OGFRL1: variants seen among roughly 807,000 people sequenced by gnomAD.
OGFRL1 encodes the protein opioid growth factor receptor-like protein 1.
In OGFRL1, 26 loss-of-function variants were observed where a neutral mutation model predicts 32.4. The observed-to-expected ratio is 0.80, with a 90% CI of 0.59 to 1.11. The LOEUF (loss-of-function observed/expected upper bound fraction) is 1.11. Ranked by LOEUF, OGFRL1 falls within the 50% of genes most tolerant of loss-of-function variation. The pLI, the probability that OGFRL1 is intolerant of heterozygous loss-of-function variation, is 0.00. For synonymous variants in OGFRL1, 211 were observed against 201.2 expected, an observed-to-expected ratio of 1.05 and a Z score of -0.41; for missense variants, 521 against 546.4, an observed-to-expected ratio of 0.95 and a Z score of 0.46.
chr6:71,298,457 A>G (rs978585677), intron 6 of OGFRL1, among the ~76,000 whole-genome samples: 1 of 152,210 alleles, frequency 6.6e-6, no homozygotes, highest in Non-Finnish European at 1.5e-5. Flanking sequence ...CTTGCTTAAT[A>G]AATTTTTATT....
At chr6:71,299,494 G>A (rs7742362) in intron 6 of OGFRL1, among the ~76,000 whole-genome samples, 33,586 of 152,052 alleles carry the variant, frequency 0.22, 3,983 homozygotes, top group East Asian at 0.34. Flanking sequence ...TATAGTAAAT[G>A]TGTACAGAAA....
Position 71,305,963 on chromosome 6 carries a change from C to T in OGFRL1, c.*3914C>T, listed in dbSNP as rs912037175. Reference sequence around the variant, plus strand: ...TTTTTAAACTATAATTGAGGCTCTTCTAAAGCTTTGTTTTCTAATCTAAGA... The same window carrying T: ...TTTTTAAACTATAATTGAGGCTCTTTTAAAGCTTTGTTTTCTAATCTAAGA... On this transcript the variant is annotated 3_prime_UTR_variant, in exon 7 of 7. Transcript: ENST00000370435. The T allele has an allele frequency of 1.3e-5, 2 of 152,138 alleles. No individual in the cohort carries two copies. Among genetic ancestry groups the T allele is most frequent in the Non-Finnish European group, 2.9e-5 (2 of 67,980 alleles). The allele number at this position is 152,138 out of a possible 1,614,324, so 9.4% of individuals were successfully genotyped here.
Position 71,301,948 on chromosome 6 carries a change from G to C in OGFRL1, c.1255G>C (p.Glu419Gln), listed in dbSNP as rs1215466244. The C allele has an allele frequency of 3.1e-6, 5 of 1,613,450 alleles. No individual in the cohort carries two copies. The highest frequency in any genetic ancestry group is 4.2e-6 in the Non-Finnish European group (5 of 1,179,892). Reference sequence around the variant, plus strand: ...AGTTACTACTCCCACAGAAAAAAAGGAGAGTGTATCTCCTGAGAATAACGA... The same window carrying C: ...AGTTACTACTCCCACAGAAAAAAAGCAGAGTGTATCTCCTGAGAATAACGA... ...KTVTTPTEKK[E>Q]SVSPENNEEG... is the part of the protein sequence containing the mutation. Residue 419 changes from glutamate (E) to glutamine (Q), a missense_variant, in exon 7 of 7, where the codon GAG becomes CAG. Glu to Gln is a conservative substitution (Grantham distance 29, BLOSUM62 2). Transcript: ENST00000370435.
intron 3 of OGFRL1, among the ~76,000 whole-genome samples, chr6:71,296,070 G>A (rs1444055347): frequency 6.6e-6 from 1 of 152,110 alleles, no homozygotes; most frequent in Non-Finnish European, 1.5e-5. Flanking sequence ...AGTTTGCCAA[G>A]CTCTGCTTTA....
chr6:71,302,160 G>T lies in OGFRL1; in HGVS notation c.*111G>T. 1.1e-6 allele frequency: 1 copy of T among 916,334 alleles called. No homozygotes were observed. The highest frequency in any genetic ancestry group is 1.5e-6 in the Non-Finnish European group (1 of 646,632). The allele number at this position is 916,334 out of a possible 1,614,324, so 56.8% of individuals were successfully genotyped here. On this transcript the variant is annotated 3_prime_UTR_variant, in exon 7 of 7. Transcript: ENST00000370435. ...TTTCAAATTTTAGCCATCTGTTTGT[G>T]ATTTCTGTCATAAGCATTTTGTTGT...
At chr6:71,290,407 T>C (rs1165312085) in intron 1 of OGFRL1, among the ~76,000 whole-genome samples, 1 of 152,202 alleles carries the variant, frequency 6.6e-6, no homozygotes, top group African/African-American at 2.4e-5. Context: ...CTCATGTTTT[T>C]CCCTTACGTT....
At position 71,308,192 on chromosome 6, in the gene OGFRL1, C is replaced by T. The variant is rs1766613248; in HGVS notation, c.*6143C>T. On this transcript the variant is annotated 3_prime_UTR_variant, in exon 7 of 7. Coordinates refer to ENST00000370435, the MANE Select transcript of OGFRL1 (RefSeq NM_024576.5). The stretch of plus-strand genomic sequence containing the variant: ...TTTACAAGTTAAGTTGATGGTCTGG[C>T]TGCAGATAAGAGAAAGACTCAGTGA... The T allele has an allele frequency of 6.6e-6, 1 of 152,182 alleles. No homozygotes were observed. Among genetic ancestry groups the T allele is most frequent in the Admixed American group, 6.5e-5 (1 of 15,268 alleles). 9.4% of individuals were successfully genotyped at this position (152,182 alleles called of 1,614,324 possible).
rs1766470427 is a variant in OGFRL1 at position 71,303,888 on chromosome 6, C to T, written c.*1839C>T. ...AGCATATATACAAATATAGTTAAAG[C>T]AATGAATAGATGAAACATGTCTACT... On this transcript the variant is annotated 3_prime_UTR_variant, in exon 7 of 7. Transcript: ENST00000370435. The T allele has an allele frequency of 6.6e-6, 1 of 152,050 alleles. No homozygotes were observed. The highest frequency in any genetic ancestry group is 2.1e-4 in the South Asian group (1 of 4,832). 9.4% of individuals were successfully genotyped at this position (152,050 alleles called of 1,614,324 possible). A position where few individuals can be genotyped will look rare whatever the true frequency, so the allele number is the denominator to read the frequency against.
rs1313388185 is a variant in OGFRL1, at chr6:71,305,177, A to G, written c.*3128A>G. The G allele has an allele frequency of 6.6e-6, 1 of 152,102 alleles. No homozygotes were observed. The highest frequency in any genetic ancestry group is 1.5e-5 in the Non-Finnish European group (1 of 67,928). 9.4% of individuals were successfully genotyped at this position (152,102 alleles called of 1,614,324 possible). A position where few individuals can be genotyped will look rare whatever the true frequency, so the allele number is the denominator to read the frequency against. On this transcript the variant is annotated 3_prime_UTR_variant, in exon 7 of 7. Transcript: ENST00000370435. ...ACTGTGGAGTGCAAGGATACTAAATATTGGCTATTGATAAAATACTAACTT... is the reference window on the plus strand; with the variant it reads ...ACTGTGGAGTGCAAGGATACTAAATGTTGGCTATTGATAAAATACTAACTT...
intron 2 of OGFRL1, 56 bp downstream of exon 2, chr6:71,293,435 A>C (rs915106635): frequency 6.3e-7 from 1 of 1,586,850 alleles, no homozygotes; most frequent in African/African-American, 1.4e-5. Flanking sequence ...TCTGTTTTTA[A>C]ATTTTTATGG....
intron 1 of OGFRL1, chr6:71,289,681 A>G (rs556169538): frequency 6.1e-6 from 6 of 984,676 alleles, no homozygotes; most frequent in South Asian, 9.4e-5. Context: ...TGAAGTTCAT[A>G]CGTCACTGTT....
In OGFRL1 at chr6:71,302,033, T is replaced by C. The variant is rs746104722; in HGVS notation, c.1340T>C (p.Val447Ala). The stretch of plus-strand genomic sequence containing the variant: ...CCTGGAAATACAAATTGCCATGATG[T>C]TGTACTAGTACAGTGAATTATCAGA... ...ENPGNTNCHD[V>A]VLVQ Residue 447 changes from valine (V) to alanine (A), a missense_variant, in exon 7 of 7, where the codon GTT becomes GCT. Transcript: ENST00000370435. 3.8e-6 allele frequency: 6 copies of C among 1,578,530 alleles called. No homozygotes were observed. In the South Asian group the frequency reaches 6.0e-5, roughly 16 times the overall value.
Position 71,301,879 on chromosome 6 carries a change from A to G in OGFRL1, c.1186A>G (p.Lys396Glu), listed in dbSNP as rs1766407351. The change falls in exon 7 of 7, where the codon AAG becomes GAG. Residue 396 changes from lysine to glutamate, a missense_variant. By Grantham distance (56) the Lys-to-Glu change is moderately conservative. Coordinates refer to ENST00000370435, the MANE Select transcript of OGFRL1 (RefSeq NM_024576.5). ...AGCTGCCAAGCCAAGAAATACAGAG[A>G]AGGACAGTAATGCTGAGAACATGAA... is the stretch of plus-strand genomic sequence containing the variant. ...NEAAKPRNTE[K>E]DSNAENMNSQ... is the part of the protein sequence containing the mutation. 1.3e-6 allele frequency: 2 copies of G among 1,520,280 alleles called. No individual in the cohort carries two copies. Among genetic ancestry groups the G allele is most frequent in the East Asian group, 2.2e-5 (1 of 44,874 alleles). 94.2% of individuals were successfully genotyped at this position (1,520,280 alleles called of 1,614,324 possible). A position where few individuals can be genotyped will look rare whatever the true frequency, so the allele number is the denominator to read the frequency against.
Position 71,301,663 on chromosome 6 carries a change from A to G in OGFRL1, c.970A>G (p.Lys324Glu), listed in dbSNP as rs754723890. 42 of 1,613,962 alleles carry G rather than the reference A, an allele frequency of 2.6e-5. No individual in the cohort carries two copies. The highest frequency in any genetic ancestry group is 3.4e-5 in the Non-Finnish European group (40 of 1,180,034). The change falls in exon 7 of 7, where the codon AAA becomes GAA. Residue 324 changes from lysine to glutamate, a missense_variant. Coordinates refer to ENST00000370435, the MANE Select transcript of OGFRL1 (RefSeq NM_024576.5). ...TCGAAAAGAACAGTCGGAGGGAAGC[A>G]AAGCCCAGAAAATGTCTTCCCCTCT... is the stretch of plus-strand genomic sequence containing the variant. ...PPRKEQSEGSKAQKMSSPLAS... is the reference protein window; with the variant it reads ...PPRKEQSEGSEAQKMSSPLAS...
chr6:71,298,999 G>A (rs559225987), intron 6 of OGFRL1, among the ~76,000 whole-genome samples: 7 of 152,038 alleles, frequency 4.6e-5, no homozygotes, highest in East Asian at 1.9e-4. Context: ...GTGAACAAGC[G>A]ACCTTGACTA....
rs772248967 is a variant in OGFRL1 at position 71,302,038 on chromosome 6, C to T, written c.1345C>T (p.Leu449=). The T allele has an allele frequency of 1.3e-6, 2 of 1,543,306 alleles. No homozygotes were observed. The highest frequency in any genetic ancestry group is 2.6e-5 in the South Asian group (2 of 77,428). Residue 449 remains leucine, a synonymous_variant, in exon 7 of 7, where the codon CTA becomes TTA. Transcript: ENST00000370435. ...PGNTNCHDVV[L]VQ ...AAATACAAATTGCCATGATGTTGTA[C>T]TAGTACAGTGAATTATCAGAAAACC...
In OGFRL1 at chr6:71,288,945, C is replaced by T. The variant is rs1345555747; in HGVS notation, c.9C>T (p.Asn3=). ...CCGCCGCCGCCTCTTCAATGGGCAA[C>T]CTGCTCGGCGGGGTCAGCTTCCGCG... MG[N]LLGGVSFREP... Residue 3 remains asparagine (N), a synonymous_variant, in exon 1 of 7, where the codon AAC becomes AAT. Transcript: ENST00000370435. 9 of 1,373,488 alleles carry T rather than the reference C, an allele frequency of 6.6e-6. No individual in the cohort carries two copies. Among genetic ancestry groups the T allele is most frequent in the Non-Finnish European group, 8.6e-6 (9 of 1,047,692 alleles). The allele number at this position is 1,373,488 out of a possible 1,614,324, so 85.1% of individuals were successfully genotyped here.
chr6:71,289,356 A>G (rs1765967165), intron 1 of OGFRL1, 186 bp downstream of exon 1: 2 of 978,120 alleles, frequency 2.0e-6, no homozygotes, highest in Non-Finnish European at 2.4e-6. Flanking sequence ...CAGGAGCCCA[A>G]AGCGCCGGAC....
At position 71,301,976 on chromosome 6, in the gene OGFRL1, A is replaced by C. The variant is rs1464884644; in HGVS notation, c.1283A>C (p.Glu428Ala). Residue 428 changes from glutamate (E) to alanine (A), a missense_variant, in exon 7 of 7, where the codon GAA (glutamate) becomes GCA (alanine). Coordinates refer to ENST00000370435, the MANE Select transcript of OGFRL1 (RefSeq NM_024576.5). ...AGTGTATCTCCTGAGAATAACGAAGAAGGTGGAAATGATAACCAAGACAAT... is the reference window on the plus strand; with the variant it reads ...AGTGTATCTCCTGAGAATAACGAAGCAGGTGGAAATGATAACCAAGACAAT... ...KESVSPENNE[E>A]GGNDNQDNEN... The C allele has an allele frequency of 6.2e-7, 1 of 1,608,016 alleles. No individual in the cohort carries two copies.
Sources: allele counts gnomAD v4.1 joint callset (sites outside exome capture counted in the v4.1 genomes callset), GRCh38; gene constraint gnomAD v4.1.1; transcripts MANE v1.5; gene names NCBI Gene and HGNC (gene_info 2026-07-23, HGNC 2026-07-21).